Variants in ALG13 observed in about 807,000 individuals in gnomAD.
ALG13 encodes ALG13 UDP-N-acetylglucosaminyltransferase subunit.
A neutral mutation model predicts 87.8 loss-of-function variants in ALG13; 11 were observed. That is an observed-to-expected ratio of 0.13 (90% CI 0.08 to 0.21). ALG13 has a LOEUF of 0.21. ALG13 is among the 10% of genes least tolerant of loss of function. The pLI, the probability that ALG13 is intolerant of heterozygous loss-of-function variation, is 1.00. For missense variants in ALG13, 756 were observed against 866.1 expected, an observed-to-expected ratio of 0.87 and a Z score of 1.60; for synonymous variants, 320 against 306.3, an observed-to-expected ratio of 1.04 and a Z score of -0.47.
chrX:111,700,743 AT>A (rs1236477028), intron 3 of ALG13, among the ~76,000 whole-genome samples: 14 of 94,234 alleles, frequency 1.5e-4, no homozygotes, highest in African/African-American at 5.6e-4. Context: ...TGCCCAGCTA[AT>A]TTTTGTATTT....
intron 3 of ALG13, among the ~76,000 whole-genome samples, chrX:111,702,237 A>G (rs1938008780): frequency 8.9e-6 from 1 of 111,739 alleles, no homozygotes; most frequent in African/African-American, 3.2e-5. Flanking sequence ...TTTTCTGTCT[A>G]GGTTATCTGT....
At chrX:111,709,475 A>G (rs142654446) in intron 5 of ALG13, among the ~76,000 whole-genome samples, 3 of 112,086 alleles carry the variant, frequency 2.7e-5, no homozygotes, top group East Asian at 5.6e-4. Flanking sequence ...CCTGTGTACA[A>G]TAATCTTCAG....
At chrX:111,697,120 A>G (rs1937084295) in intron 3 of ALG13, among the ~76,000 whole-genome samples, 1 of 110,500 alleles carries the variant, frequency 9.0e-6, no homozygotes, top group African/African-American at 3.3e-5. Flanking sequence ...TTATTCTAAC[A>G]ACCTTAGGTT....
chrX:111,703,404 A>G (rs1938230315), intron 3 of ALG13, among the ~76,000 whole-genome samples: 1 of 111,667 alleles, frequency 9.0e-6, no homozygotes, highest in Admixed American at 9.5e-5. Context: ...ATTTAAATAC[A>G]GTAAAATTGG....
chrX:111,682,276 C>A lies in ALG13; in HGVS notation c.226C>A (p.Leu76Ile). The A allele has an allele frequency of 8.4e-7, 1 of 1,186,575 alleles. No individual in the cohort carries two copies. Among genetic ancestry groups the A allele is most frequent in the Non-Finnish European group, 1.1e-6 (1 of 883,886 alleles). Residue 76 changes from leucine to isoleucine, a missense_variant, in exon 2 of 27, where the codon CTT becomes ATT. Physicochemically the swap from Leu to Ile is conservative, Grantham distance 5 (BLOSUM62 2). Transcript: ENST00000394780. Reference protein sequence around the residue: ...SLKEDIQKADLVISHAGAGSC... With the variant: ...SLKEDIQKADIVISHAGAGSC... ...GAAAGAAGACATTCAGAAAGCAGATCTTGTTATTAGTCACGCAGGTAAAGG... is the reference window on the plus strand; with the variant it reads ...GAAAGAAGACATTCAGAAAGCAGATATTGTTATTAGTCACGCAGGTAAAGG...
chrX:111,746,998 A>G (rs1007403070), intron 24 of ALG13, among the ~76,000 whole-genome samples: 24 of 111,882 alleles, frequency 2.1e-4, no homozygotes, highest in African/African-American at 7.5e-4. Flanking sequence ...GTAGCCTTCC[A>G]TATTATCAGT....
At chrX:111,721,536 A>G in intron 11 of ALG13, 67 bp from the exon 12 acceptor site, 2 of 526,674 alleles carry the variant, frequency 3.8e-6, no homozygotes, top group Non-Finnish European at 3.2e-6. Context: ...AAGAAACTTA[A>G]TTCTTCCTTC....
chrX:111,748,973 C>T (rs1007113498), intron 24 of ALG13, among the ~76,000 whole-genome samples: 1 of 110,486 alleles, frequency 9.1e-6, no homozygotes, highest in Non-Finnish European at 1.9e-5. Context: ...ATGCTAGTTA[C>T]TCGGGAGGCT....
At chrX:111,690,021 A>G (rs1331070313) in intron 3 of ALG13, 1 of 749,312 alleles carries the variant, frequency 1.3e-6, no homozygotes, top group Non-Finnish European at 1.6e-6. Flanking sequence ...AGATTGAATA[A>G]ATTAAGACTT....
intron 3 of ALG13, chrX:111,689,748 T>TC (rs1935802860): frequency 1.4e-6 from 1 of 732,420 alleles, no homozygotes. Context: ...GCTCCTTGAT[T>TC]CCCAGTCCCC....
chrX:111,711,559 A>G, intron 5 of ALG13, 116 bp from the exon 6 acceptor site: 1 of 614,889 alleles, frequency 1.6e-6, no homozygotes, highest in Non-Finnish European at 2.5e-6. Context: ...CAAAGTAGAT[A>G]CTTACACCAT....
At chrX:111,693,318 T>TA (rs1218200321) in intron 3 of ALG13, among the ~76,000 whole-genome samples, 1 of 107,727 alleles carries the variant, frequency 9.3e-6, no homozygotes, top group Non-Finnish European at 1.9e-5. Flanking sequence ...GCAGTGGCAT[T>TA]ATCTCCGCTC....
chrX:111,681,278 G>A lies in ALG13; in HGVS notation c.60G>A (p.Val20=), dbSNP rs2147594318. The change falls in exon 1 of 27, where the codon GTG becomes GTA. Residue 20 remains valine, a synonymous_variant. Transcript: ENST00000394780. ...TTSFDDLIAC[V]SAPDSLQKIE... The stretch of plus-strand genomic sequence containing the variant: ...GCTTTGACGACCTCATTGCGTGTGT[G>A]TCGGCGCCCGACAGTCTGCAAGTGA... The A allele has an allele frequency of 4.1e-6, 5 of 1,212,268 alleles. No homozygotes were observed. Among genetic ancestry groups the A allele is most frequent in the African/African-American group, 1.7e-5 (1 of 58,018 alleles).
Position 111,708,067 on chromosome X carries a change from G to A in ALG13, c.424G>A (p.Ala142Thr), listed in dbSNP as rs1939098208. 1 of 1,210,498 alleles carries A rather than the reference G, an allele frequency of 8.3e-7. No homozygotes were observed. The highest frequency in any genetic ancestry group is 1.1e-6 in the Non-Finnish European group (1 of 894,973). The change falls in exon 4 of 27, where the codon GCT (alanine) becomes ACT (threonine). Residue 142 changes from alanine (A) to threonine (T), a missense_variant. Ala to Thr is a moderately conservative substitution (Grantham distance 58). Transcript: ENST00000394780. ...CPGQAKSIAS[A>T]PGKCQDSAAL... ...TGGGCAAGCCAAGTCCATTGCTTCT[G>A]CTCCTGGGAAGTGCCAAGATTCTGC...
At chrX:111,709,202 C>T (rs751366250) in intron 5 of ALG13, among the ~76,000 whole-genome samples, 154 bp downstream of exon 5, 2 of 112,032 alleles carry the variant, frequency 1.8e-5, no homozygotes, top group South Asian at 7.5e-4. Flanking sequence ...AGCTAACATG[C>T]TTCTTGAGCC....
intron 16 of ALG13, 39 bp from the exon 17 acceptor site, chrX:111,727,293 T>C (rs770550331): frequency 3.8e-6 from 4 of 1,058,605 alleles, no homozygotes; most frequent in Non-Finnish European, 5.2e-6. Flanking sequence ...TAGGTATTAG[T>C]GAATAGAGAG....
At chrX:111,700,080 G>GT (rs1461861796) in intron 3 of ALG13, among the ~76,000 whole-genome samples, 1 of 92,586 alleles carries the variant, frequency 1.1e-5, no homozygotes, top group East Asian at 3.5e-4. Flanking sequence ...GTGTTTTATA[G>GT]TTTTCAGTGT....
intron 3 of ALG13, chrX:111,689,229 A>G: frequency 1.3e-6 from 1 of 750,146 alleles, no homozygotes; most frequent in Non-Finnish European, 1.6e-6. Context: ...TCACAGCACC[A>G]TAATCATAAT....
chrX:111,752,713 G>A, intron 24 of ALG13, 77 bp from the exon 25 acceptor site: 1 of 767,271 alleles, frequency 1.3e-6, no homozygotes, highest in Non-Finnish European at 1.9e-6. Flanking sequence ...ACCGTGCCCA[G>A]CCAGAAAAGC....
Sources: gnomAD v4.1 joint callset for allele counts (sites outside exome capture counted in the v4.1 genomes callset) on GRCh38, gnomAD v4.1.1 for gene constraint, MANE v1.5 for transcripts, NCBI Gene and HGNC (gene_info 2026-07-23, HGNC 2026-07-21) for gene names.